The following CSNK1D variants were observed in gnomAD, a reference collection of about 807,000 sequenced individuals.
CSNK1D encodes casein kinase I isoform delta.
Under a neutral mutation model 46.6 loss-of-function variants are expected in CSNK1D, and 16 were observed. The observed-to-expected ratio is 0.34, with a 90% confidence interval of 0.23 to 0.52. CSNK1D has a LOEUF of 0.52. CSNK1D is among the 20% of genes least tolerant of loss of function. CSNK1D has a pLI of 0.95. For missense variants in CSNK1D, 398 were observed against 578.4 expected, an observed-to-expected ratio of 0.69 and a Z score of 3.20; for synonymous variants, 276 against 228.2, an observed-to-expected ratio of 1.21 and a Z score of -1.89.
At chr17:82,246,880 C>T (rs1025893842) in intron 8 of CSNK1D, 2 of 985,850 alleles carry the variant, frequency 2.0e-6, no homozygotes, top group Non-Finnish European at 2.4e-6. Flanking sequence ...CCAGCTCACC[C>T]GAGCAAACAG....
Position 82,251,760 on chromosome 17 carries a change from G to A in CSNK1D, c.737-233C>T, listed in dbSNP as rs1440638630. 3 of 558,970 alleles carry A rather than the reference G, an allele frequency of 5.4e-6. No homozygotes were observed. The highest frequency in any genetic ancestry group is 9.8e-6 in the Non-Finnish European group (3 of 305,952). 34.6% of individuals were successfully genotyped at this position (558,970 alleles called of 1,614,324 possible). On this transcript the variant is annotated intron_variant, in intron 5 of 8. Coordinates refer to ENST00000314028, the MANE Select transcript of CSNK1D (RefSeq NM_001893.6). The surrounding 1 kb of genome is among the most constrained non-coding windows in gnomAD (Gnocchi z 4.5). ...CACCCCAGCACTCTAGGAGGCTGAG[G>A]AGGGCGGATCACGAGGTCAGGAGAT...
chr17:82,273,203 G>A lies in CSNK1D; in HGVS notation c.76+103C>T, dbSNP rs1256138906. 3.3e-6 allele frequency: 4 copies of A among 1,207,614 alleles called. No homozygotes were observed. The East Asian group carries it at 7.8e-5, about 23-fold the overall frequency. 74.8% of individuals were successfully genotyped at this position (1,207,614 alleles called of 1,614,324 possible). ...GATCCGGCGGTGCCGGGACTTGCGC[G>A]GAGACCCCGCGGGGGCCACCACTTC... On this transcript the variant is annotated intron_variant, in intron 1 of 8. Transcript: ENST00000314028. This position sits in a 1 kb window ranked among gnomAD's most constrained non-coding sequence, Gnocchi z 5.1.
Position 82,243,870 on chromosome 17 carries a change from T to C in CSNK1D, c.*911A>G, listed in dbSNP as rs1599571020. The C allele has an allele frequency of 1.0e-6, 1 of 985,608 alleles. No homozygotes were observed. Among genetic ancestry groups the C allele is most frequent in the East Asian group, 1.1e-4 (1 of 8,814 alleles). 61.1% of individuals were successfully genotyped at this position (985,608 alleles called of 1,614,324 possible). On this transcript the variant is annotated 3_prime_UTR_variant, in exon 9 of 9. Coordinates refer to ENST00000314028, the MANE Select transcript of CSNK1D (RefSeq NM_001893.6). ...CCTCTCCCAAGGGACCAGAAACGCA[T>C]CTTCCACCTTGAATCCTGGGACTCC...
chr17:82,253,657 C>G, intron 3 of CSNK1D: 1 of 352,564 alleles, frequency 2.8e-6, no homozygotes, highest in East Asian at 7.6e-5. Flanking sequence ...ACGTGCTATG[C>G]TGGTACCGAG....
At position 82,273,415 on chromosome 17, in the gene CSNK1D, G is replaced by T; in HGVS notation, c.-34C>A. On this transcript the variant is annotated 5_prime_UTR_variant, in exon 1 of 9. Coordinates refer to ENST00000314028, the MANE Select transcript of CSNK1D (RefSeq NM_001893.6). The surrounding 1 kb of genome is among the most constrained non-coding windows in gnomAD (Gnocchi z 5.1). Reference sequence around the variant, plus strand: ...CGGCCCGATTCGCTCCTGCCCTCCCGGCCGCTTCCTGGGTCTGAACTCTGG... The same window carrying T: ...CGGCCCGATTCGCTCCTGCCCTCCCTGCCGCTTCCTGGGTCTGAACTCTGG... 6.2e-7 allele frequency: 1 copy of T among 1,608,820 alleles called. No homozygotes were observed.
In CSNK1D at chr17:82,248,022, C is replaced by T; in HGVS notation, c.1197+853G>A. On this transcript the variant is annotated intron_variant, in intron 8 of 8. Transcript: ENST00000314028. This position sits in a 1 kb window ranked among gnomAD's most constrained non-coding sequence, Gnocchi z 4.1. ...GCCTGGCTCCATCCTGTGATCCCAA[C>T]AAACACCTCCCCACAAGCCCAGAGC... The T allele has an allele frequency of 4.1e-6, 4 of 985,472 alleles. No individual in the cohort carries two copies. Among genetic ancestry groups the T allele is most frequent in the Non-Finnish European group, 4.8e-6 (4 of 829,986 alleles). 61.0% of individuals were successfully genotyped at this position (985,472 alleles called of 1,614,324 possible).
chr17:82,253,381 G>A, intron 3 of CSNK1D, 137 bp from the exon 4 acceptor site: 2 of 793,358 alleles, frequency 2.5e-6, no homozygotes, highest in Admixed American at 1.9e-5. Flanking sequence ...AATTAGCGAG[G>A]GGGATGCCGA....
chr17:82,242,388 A>C (rs2050753511), downstream of CSNK1D, among the ~76,000 whole-genome samples: 1 of 152,178 alleles, frequency 6.6e-6, no homozygotes, highest in South Asian at 2.1e-4. Flanking sequence ...GTGCCGCCCG[A>C]GAAGGCAGGG....
At chr17:82,263,859 G>A (rs562932095) in intron 2 of CSNK1D, among the ~76,000 whole-genome samples, 2 of 152,348 alleles carry the variant, frequency 1.3e-5, no homozygotes, top group African/African-American at 4.8e-5. Context: ...TGAGAAGCCA[G>A]TCCACCACCA....
chr17:82,270,636 C>G (rs1236572016), intron 1 of CSNK1D, among the ~76,000 whole-genome samples: 11 of 152,194 alleles, frequency 7.2e-5, no homozygotes, highest in Non-Finnish European at 1.5e-5. Flanking sequence ...CCATTCTGCT[C>G]AGACCCACGC....
rs1158504555 is a variant in CSNK1D at position 82,249,804 on chromosome 17, A to T, written c.886-202T>A. ...ACAAGGGGTCAGAGCCAGGCCTCTC[A>T]GCTCCCCCAACAATCGAAAAAACCC... On this transcript the variant is annotated intron_variant, in intron 6 of 8. Transcript: ENST00000314028. The surrounding 1 kb of genome is among the most constrained non-coding windows in gnomAD (Gnocchi z 6.7). 7.0e-7 allele frequency: 1 copy of T among 1,438,796 alleles called. No individual in the cohort carries two copies. Among genetic ancestry groups the T allele is most frequent in the African/African-American group, 1.4e-5 (1 of 69,828 alleles). 89.1% of individuals were successfully genotyped at this position (1,438,796 alleles called of 1,614,324 possible).
chr17:82,260,393 CTGA>C (rs1201493930), intron 2 of CSNK1D, among the ~76,000 whole-genome samples: 1 of 145,934 alleles, frequency 6.9e-6, no homozygotes, highest in African/African-American at 2.6e-5. Flanking sequence ...GGTGTACTGA[CTGA>C]TGGTGTACTG....
rs562375645 is a variant in CSNK1D, at chr17:82,250,992, G to A, written c.885+387C>T. 1,057 of 330,352 alleles carry A rather than the reference G, an allele frequency of 3.2e-3. 10 individuals are homozygous for A. Among genetic ancestry groups the A allele is most frequent in the Non-Finnish European group, 4.3e-3 (731 of 170,346 alleles). 20.5% of individuals were successfully genotyped at this position (330,352 alleles called of 1,614,324 possible). A position where few individuals can be genotyped will look rare whatever the true frequency, so the allele number is the denominator to read the frequency against. On this transcript the variant is annotated intron_variant, in intron 6 of 8. Transcript: ENST00000314028. This position sits in a 1 kb window ranked among gnomAD's most constrained non-coding sequence, Gnocchi z 4.6. ...AGGCTAGACGGGTAGCACCTCACCA[G>A]GCCCCAACCCCACTCATCTCGTGGG... is the stretch of plus-strand genomic sequence containing the variant.
At position 82,252,295 on chromosome 17, in the gene CSNK1D, C is replaced by T. The variant is rs1236475780; in HGVS notation, c.736+139G>A. 22 of 960,254 alleles carry T rather than the reference C, an allele frequency of 2.3e-5. No individual in the cohort carries two copies. The highest frequency in any genetic ancestry group is 3.2e-5 in the African/African-American group (2 of 62,208). The allele number at this position is 960,254 out of a possible 1,614,324, so 59.5% of individuals were successfully genotyped here. A position where few individuals can be genotyped will look rare whatever the true frequency, so the allele number is the denominator to read the frequency against. On this transcript the variant is annotated intron_variant, in intron 5 of 8. Transcript: ENST00000314028. This position sits in a 1 kb window ranked among gnomAD's most constrained non-coding sequence, Gnocchi z 4.6. ...AGGCTGTTACCTCCATACACAAAAG[C>T]GCCCCGCTTTCCTGCCACCACCCCT...
In CSNK1D at chr17:82,248,193, A is replaced by C. The variant is rs2050899497; in HGVS notation, c.1197+682T>G. The C allele has an allele frequency of 3.0e-6, 3 of 985,554 alleles. No homozygotes were observed. The highest frequency in any genetic ancestry group is 3.6e-6 in the Non-Finnish European group (3 of 829,990). 61.1% of individuals were successfully genotyped at this position (985,554 alleles called of 1,614,324 possible). A position where few individuals can be genotyped will look rare whatever the true frequency, so the allele number is the denominator to read the frequency against. The stretch of plus-strand genomic sequence containing the variant: ...GGCGAACAACCCAGAAAACTATTTG[A>C]AGAAATATAATGGATCCATATGGAG... On this transcript the variant is annotated intron_variant, in intron 8 of 8. Coordinates refer to ENST00000314028, the MANE Select transcript of CSNK1D (RefSeq NM_001893.6). The surrounding 1 kb of genome is among the most constrained non-coding windows in gnomAD (Gnocchi z 4.1).
At chr17:82,247,240 G>T in intron 8 of CSNK1D, 12 of 985,420 alleles carry the variant, frequency 1.2e-5, no homozygotes, top group Non-Finnish European at 1.4e-5. Context: ...GCCAGCTGCG[G>T]GTTCCTGCCA....
At chr17:82,260,942 A>C (rs2051324852) in intron 2 of CSNK1D, 1 of 155,152 alleles carries the variant, frequency 6.4e-6, no homozygotes, top group Admixed American at 6.5e-5. Context: ...GCACCATCAC[A>C]GCTCCCTGCA....
chr17:82,240,091 C>T (rs2050721396), downstream of CSNK1D: 1 of 1,232,134 alleles, frequency 8.1e-7, no homozygotes, highest in Non-Finnish European at 1.0e-6. Flanking sequence ...GAAAAGTGCA[C>T]ATCTCAGGTC....
intron 2 of CSNK1D, among the ~76,000 whole-genome samples, chr17:82,256,282 G>A (rs1371167173): frequency 6.6e-6 from 1 of 152,168 alleles, no homozygotes; most frequent in African/African-American, 2.4e-5. Context: ...AGGCTGAAAC[G>A]GGAGGACTGC....
Sources: gnomAD v4.1 joint callset for allele counts (sites outside exome capture counted in the v4.1 genomes callset) on GRCh38, gnomAD v4.1.1 for gene constraint, Gnocchi (gnomAD v3.1) non-coding constraint, MANE v1.5 for transcripts, NCBI Gene and HGNC (gene_info 2026-07-23, HGNC 2026-07-21) for gene names.